Variants in ATXN2 observed in about 807,000 individuals in gnomAD.
The protein encoded by ATXN2 is ataxin 2.
In ATXN2, 37 loss-of-function variants were observed where a neutral mutation model predicts 138.6. That is an observed-to-expected ratio of 0.27 (90% CI 0.21 to 0.35). The LOEUF is 0.35. Among genes scored for constraint, ATXN2 ranks in the 10% least tolerant of loss-of-function variants. ATXN2 has a pLI of 1.00. For missense variants in ATXN2, 1,216 were observed against 1,480.3 expected, an observed-to-expected ratio of 0.82 and a Z score of 2.93; for synonymous variants, 549 against 543.7, an observed-to-expected ratio of 1.01 and a Z score of -0.13.
intron 6 of ATXN2, among the ~76,000 whole-genome samples, chr12:111,524,930 A>C (rs927035657): frequency 1.3e-5 from 2 of 152,182 alleles, no homozygotes; most frequent in African/African-American, 4.8e-5. Flanking sequence ...GCTACTTCTT[A>C]TTATTTATTT....
intron 1 of ATXN2, among the ~76,000 whole-genome samples, chr12:111,562,564 T>C (rs1016859786): frequency 5.3e-5 from 8 of 151,382 alleles, no homozygotes; most frequent in Non-Finnish European, 1.0e-4. Context: ...CTACTGAACA[T>C]ACAAAATTAG....
At chr12:111,527,368 T>TA (rs1269704973) in intron 5 of ATXN2, among the ~76,000 whole-genome samples, 2 of 152,196 alleles carry the variant, frequency 1.3e-5, no homozygotes, top group Non-Finnish European at 2.9e-5. Context: ...ACAATACTCC[T>TA]ACAAAAGAGG....
chr12:111,591,034 C>T (rs539246664), intron 1 of ATXN2, among the ~76,000 whole-genome samples: 5 of 151,882 alleles, frequency 3.3e-5, no homozygotes, highest in Non-Finnish European at 7.4e-5. Context: ...TGACTACAGG[C>T]GCCCTCCACC....
chr12:111,511,804 C>T (rs1879541887), intron 11 of ATXN2: 1 of 151,772 alleles, frequency 6.6e-6, no homozygotes, highest in South Asian at 2.1e-4. Flanking sequence ...TCTTGGTAGT[C>T]TTAAGATAAT....
At chr12:111,461,608 A>T (rs1200903689) in intron 21 of ATXN2, among the ~76,000 whole-genome samples, 3 of 152,090 alleles carry the variant, frequency 2.0e-5, no homozygotes, top group Non-Finnish European at 4.4e-5. Flanking sequence ...CAGTGACACA[A>T]AGCAGGGTAG....
At chr12:111,532,036 T>G (rs1409393256) in intron 5 of ATXN2, among the ~76,000 whole-genome samples, 1 of 152,150 alleles carries the variant, frequency 6.6e-6, no homozygotes, top group African/African-American at 2.4e-5. Flanking sequence ...TATTATAAAT[T>G]TAAAGAGGTG....
Position 111,598,458 on chromosome 12 carries a change from G to A in ATXN2, c.251+326C>T. On this transcript the variant is annotated intron_variant, in intron 1 of 24. Transcript: ENST00000673436. The surrounding 1 kb of genome is among the most constrained non-coding windows in gnomAD (Gnocchi z 4.5). ...TGCGGGCGGAGGATCGTGCGGAAGG[G>A]GGAGCCGGGGCTGACCATCGCCGCT... The A allele has an allele frequency of 1.0e-6, 1 of 985,526 alleles. No homozygotes were observed. The highest frequency in any genetic ancestry group is 1.2e-6 in the Non-Finnish European group (1 of 830,082). 61.0% of individuals were successfully genotyped at this position (985,526 alleles called of 1,614,324 possible).
intron 1 of ATXN2, among the ~76,000 whole-genome samples, chr12:111,593,620 A>G (rs765073173): frequency 6.1e-4 from 92 of 152,026 alleles, no homozygotes; most frequent in Middle Eastern, 3.4e-3. Context: ...TAAAAAAAAA[A>G]AAAGAAAAAG....
chr12:111,495,980 CAA>C (rs142965624), intron 14 of ATXN2, among the ~76,000 whole-genome samples: 1 of 133,724 alleles, frequency 7.5e-6, no homozygotes, highest in Non-Finnish European at 1.6e-5. Flanking sequence ...CCCATCTCTA[CAA>C]AAAAAAAAAA....
rs909133732 is a variant in ATXN2 at position 111,541,455 on chromosome 12, G to A, written c.571+10825C>T. On this transcript the variant is annotated intron_variant, in intron 5 of 24. Coordinates refer to ENST00000673436, the MANE Select transcript of ATXN2 (RefSeq NM_001372574.1). Reference sequence around the variant, plus strand: ...CAACCTCCACCTCCCGAGTTCAAGCGATTCTCCTGCCTCAGCCTCCCGAGT... The same window carrying A: ...CAACCTCCACCTCCCGAGTTCAAGCAATTCTCCTGCCTCAGCCTCCCGAGT... Among the ~76,000 whole-genome samples the A allele has an allele frequency of 1.4e-4, 20 of 142,442 alleles. No homozygotes were observed. In the East Asian group the frequency reaches 3.3e-3, roughly 23 times the overall value. The allele number at this position is 142,442 out of a possible 152,430, so 93.4% of individuals were successfully genotyped here. A position where few individuals can be genotyped will look rare whatever the true frequency, so the allele number is the denominator to read the frequency against.
chr12:111,593,714 G>A (rs545017224), intron 1 of ATXN2, among the ~76,000 whole-genome samples: 1 of 151,998 alleles, frequency 6.6e-6, no homozygotes, highest in South Asian at 2.1e-4. Flanking sequence ...AAACTAATTA[G>A]GTAAAATACG....
chr12:111,599,011 CTGCTGCTGG>C lies in ATXN2; in HGVS notation c.15_23del (p.Gln26_Gln28del), dbSNP rs1885113790. 1 of 1,506,544 alleles carries C rather than the reference CTGCTGCTGG, an allele frequency of 6.6e-7. No individual in the cohort carries two copies. Among genetic ancestry groups the C allele is most frequent in the African/African-American group, 1.4e-5 (1 of 69,380 alleles). 93.3% of individuals were successfully genotyped at this position (1,506,544 alleles called of 1,614,324 possible). ...GCTGCTGCTGCTGCTGCTGCTGCTGCTGCTGCTGGGGCTTCAGCGACATGGTGAGGGGCC... is the reference window on the plus strand; with the variant it reads ...GCTGCTGCTGCTGCTGCTGCTGCTGCGGCTTCAGCGACATGGTGAGGGGCC... On this transcript the variant is annotated inframe_deletion, in exon 1 of 25. Coordinates refer to ENST00000673436, the MANE Select transcript of ATXN2 (RefSeq NM_001372574.1).
intron 18 of ATXN2, among the ~76,000 whole-genome samples, chr12:111,478,772 TGG>T (rs144244990): frequency 0.058 from 8,853 of 152,072 alleles, 400 homozygotes; most frequent in South Asian, 0.23. Context: ...TTTGGGAGGC[TGG>T]GGCGGGTGGA....
chr12:111,458,846 A>C (rs563076393), intron 21 of ATXN2, among the ~76,000 whole-genome samples: 1 of 152,282 alleles, frequency 6.6e-6, no homozygotes, highest in East Asian at 1.9e-4. Flanking sequence ...TGGTGTGCAG[A>C]GGGTTAGGCT....
chr12:111,483,818 T>C (rs1194955818), intron 18 of ATXN2, among the ~76,000 whole-genome samples: 1 of 152,174 alleles, frequency 6.6e-6, no homozygotes, highest in Non-Finnish European at 1.5e-5. Context: ...GGTTTCGCTC[T>C]TTCACCCAAG....
At chr12:111,581,011 G>A (rs1314629397) in intron 1 of ATXN2, among the ~76,000 whole-genome samples, 2 of 151,820 alleles carry the variant, frequency 1.3e-5, no homozygotes, top group East Asian at 3.9e-4. Flanking sequence ...GGTGGCAGGT[G>A]CCTGTAGTCC....
At chr12:111,585,121 G>T (rs1312242112) in intron 1 of ATXN2, among the ~76,000 whole-genome samples, 2 of 152,104 alleles carry the variant, frequency 1.3e-5, no homozygotes, top group African/African-American at 2.4e-5. Context: ...ATTTAACCTG[G>T]TGTTATGAGT....
intron 14 of ATXN2, among the ~76,000 whole-genome samples, chr12:111,496,185 T>A (rs1230983467): frequency 6.6e-6 from 1 of 151,070 alleles, no homozygotes; most frequent in African/African-American, 2.4e-5. Context: ...AATAAATAAA[T>A]AAAAATTCAA....
intron 18 of ATXN2, 88 bp downstream of exon 18, chr12:111,485,177 A>G: frequency 1.5e-6 from 2 of 1,293,396 alleles, no homozygotes; most frequent in Non-Finnish European, 1.1e-6. Context: ...GTCAGAGCTA[A>G]ACTACAACTA....
Sources: allele counts gnomAD v4.1 joint callset (sites outside exome capture counted in the v4.1 genomes callset), GRCh38; gene constraint gnomAD v4.1.1; non-coding constraint Gnocchi (gnomAD v3.1); transcripts MANE v1.5; gene names NCBI Gene and HGNC (gene_info 2026-07-23, HGNC 2026-07-21).